ODR4: variants seen among roughly 807,000 people sequenced by gnomAD.
ODR4 encodes the protein odr-4 GPCR localization factor homolog, also known as protein odr-4 homolog.
In ODR4, 47 loss-of-function variants were observed where a neutral mutation model predicts 60.2. That is an observed-to-expected ratio of 0.78 (90% CI 0.62 to 1.00). The LOEUF (loss-of-function observed/expected upper bound fraction) is 1.00, where lower values mean the gene tolerates loss of function less well. Ranked by LOEUF, ODR4 falls within the 50% of genes least tolerant of loss-of-function variation. ODR4 has a pLI of 0.00. For synonymous variants in ODR4, 178 were observed against 175.5 expected, an observed-to-expected ratio of 1.01 and a Z score of -0.11; for missense variants, 488 against 530.8, an observed-to-expected ratio of 0.92 and a Z score of 0.79.
At position 186,406,252 on chromosome 1, in the gene ODR4, A is replaced by G. The variant is rs769036793; in HGVS notation, c.1170A>G (p.Ala390=). The change falls in exon 12 of 14, where the codon GCA becomes GCG. Residue 390 remains alanine (A), a synonymous_variant. Coordinates refer to ENST00000287859, the MANE Select transcript of ODR4 (RefSeq NM_017847.6). Reference sequence around the variant, plus strand: ...TTCAAATAGAAGATTTGGAAATTGCAGAGGAAACAAACACAGGTCATTATA... The same window carrying G: ...TTCAAATAGAAGATTTGGAAATTGCGGAGGAAACAAACACAGGTCATTATA... ...HTIQIEDLEI[A]EETNTACMSS... 2.5e-6 allele frequency: 4 copies of G among 1,604,346 alleles called. No individual in the cohort carries two copies. The highest frequency in any genetic ancestry group is 1.7e-5 in the Admixed American group (1 of 58,438).
intron 5 of ODR4, among the ~76,000 whole-genome samples, chr1:186,388,828 G>T (rs1030647845): frequency 1.3e-5 from 2 of 152,166 alleles, no homozygotes; most frequent in African/African-American, 4.8e-5. Context: ...AAGCACAGCA[G>T]ATTCCCTACA....
chr1:186,431,985 G>A, the ODR4 span, among the ~76,000 whole-genome samples: 2 of 152,076 alleles, frequency 1.3e-5, no homozygotes, highest in African/African-American at 4.8e-5. Flanking sequence ...GAATCATGGT[G>A]GGTTCAGTTT....
intron 11 of ODR4, among the ~76,000 whole-genome samples, chr1:186,402,234 C>CTTTCTTT (rs1553236960): frequency 6.3e-3 from 66 of 10,472 alleles, no homozygotes; most frequent in Non-Finnish European, 0.014. Flanking sequence ...TTCTTTCTTT[C>CTTTCTTT]CTTTCTTTCT....
intron 8 of ODR4, among the ~76,000 whole-genome samples, chr1:186,392,207 A>G (rs546467046): frequency 5.3e-5 from 8 of 152,244 alleles, no homozygotes; most frequent in South Asian, 2.1e-4. Flanking sequence ...AAGTTCAACC[A>G]TTGTGGAAGG....
At chr1:186,398,712 A>AT (rs1357744260) in intron 10 of ODR4, among the ~76,000 whole-genome samples, 1 of 152,086 alleles carries the variant, frequency 6.6e-6, no homozygotes, top group Non-Finnish European at 1.5e-5. Flanking sequence ...CACTGCAATT[A>AT]TTTTTTTAGA....
At chr1:186,393,481 G>T (rs778924841) in intron 8 of ODR4, among the ~76,000 whole-genome samples, 13 of 152,328 alleles carry the variant, frequency 8.5e-5, no homozygotes, top group Non-Finnish European at 1.8e-4. Flanking sequence ...TTCTAAAATA[G>T]CTTTGACCTG....
intron 11 of ODR4, among the ~76,000 whole-genome samples, chr1:186,403,762 A>G (rs749638394): frequency 1.3e-5 from 2 of 151,686 alleles, no homozygotes; most frequent in Middle Eastern, 3.2e-3. Context: ...CTTCACTGTT[A>G]TAAGTCTTCA....
At chr1:186,390,929 AT>A in intron 7 of ODR4, 78 bp downstream of exon 7, 1 of 1,355,574 alleles carries the variant, frequency 7.4e-7, no homozygotes, top group Non-Finnish European at 1.0e-6. Flanking sequence ...TGTGTCATTC[AT>A]TTTACAATCC....
At chr1:186,385,928 A>T in intron 3 of ODR4, 60 bp from the exon 4 acceptor site, 1 of 1,066,316 alleles carries the variant, frequency 9.4e-7, no homozygotes, top group Middle Eastern at 2.0e-4. Context: ...ACAGTTTCTC[A>T]AACAGAAAGG....
At chr1:186,421,850 A>G (rs1661789917), downstream of ODR4, among the ~76,000 whole-genome samples, 2 of 134,412 alleles carry the variant, frequency 1.5e-5, no homozygotes, top group African/African-American at 5.6e-5. Flanking sequence ...TGACAGAGTG[A>G]GACTCTATCT....
intron 1 of ODR4, among the ~76,000 whole-genome samples, chr1:186,377,728 G>A (rs746976012): frequency 6.6e-6 from 1 of 152,132 alleles, no homozygotes. Flanking sequence ...ATGCAAATCT[G>A]ATTCACGTCT....
At chr1:186,392,532 A>G (rs951922112) in intron 8 of ODR4, among the ~76,000 whole-genome samples, 1 of 152,160 alleles carries the variant, frequency 6.6e-6, no homozygotes, top group Non-Finnish European at 1.5e-5. Flanking sequence ...AAACGAATGC[A>G]GGGGCCAGGC....
intron 2 of ODR4, among the ~76,000 whole-genome samples, chr1:186,382,047 A>G (rs942161906): frequency 6.6e-6 from 1 of 152,026 alleles, no homozygotes; most frequent in African/African-American, 2.4e-5. Flanking sequence ...AAACTGAGCT[A>G]TTGAATGTTC....
chr1:186,418,791 T>C (rs1661683067), intron 13 of ODR4, among the ~76,000 whole-genome samples: 1 of 152,282 alleles, frequency 6.6e-6, no homozygotes, highest in Admixed American at 6.5e-5. Flanking sequence ...AGAGATACTT[T>C]GTCCAACATT....
In ODR4 at chr1:186,390,854, A is replaced by G. The variant is rs1660442616; in HGVS notation, c.615+3A>G. On this transcript the variant is annotated splice_donor_region_variant and intron_variant, in intron 7 of 13. Transcript: ENST00000287859. The stretch of plus-strand genomic sequence containing the variant: ...ATACTCTGGAGAAAAATACAAAGGT[A>G]CCAGGGTAAAATGAATTTTCTTCAG... 2 of 1,609,060 alleles carry G rather than the reference A, an allele frequency of 1.2e-6. No homozygotes were observed. The highest frequency in any genetic ancestry group is 2.7e-5 in the African/African-American group (2 of 74,982).
chr1:186,378,412 A>T (rs907141278), intron 1 of ODR4, among the ~76,000 whole-genome samples: 1 of 152,130 alleles, frequency 6.6e-6, no homozygotes, highest in Non-Finnish European at 1.5e-5. Flanking sequence ...TTTCATCCTC[A>T]CTGATTATGA....
Position 186,398,272 on chromosome 1 carries a change from C to A in ODR4, c.781-41C>A, listed in dbSNP as rs116150040. On this transcript the variant is annotated intron_variant, in intron 9 of 13. Transcript: ENST00000287859. ...TGTTTAAATATTTCCTGTAGTTAAT[C>A]ATTGTTGGTTATTAGAACTTAAACA... 374 of 1,508,962 alleles carry A rather than the reference C, an allele frequency of 2.5e-4. 1 individual carries two copies. The African/African-American group carries it at 4.2e-3, about 17-fold the overall frequency. 93.5% of individuals were successfully genotyped at this position (1,508,962 alleles called of 1,614,324 possible). A position where few individuals can be genotyped will look rare whatever the true frequency, so the allele number is the denominator to read the frequency against.
In ODR4 at chr1:186,414,524, C is replaced by CTT. The variant is rs753376955; in HGVS notation, c.1187-3006_1187-3005dup. 4.7e-4 allele frequency among the ~76,000 whole-genome samples: 65 copies of CTT among 139,436 alleles called. 1 individual carries two copies. The highest frequency in any genetic ancestry group is 1.5e-3 in the African/African-American group (56 of 38,116). The allele number at this position is 139,436 out of a possible 152,430, so 91.5% of individuals were successfully genotyped here. A position where few individuals can be genotyped will look rare whatever the true frequency, so the allele number is the denominator to read the frequency against. Reference sequence around the variant, plus strand: ...AAATATGGGGGAAAAAAACAAAAACCTTTTTTTTTTTTTTTGAGACAGTCT... The same window carrying CTT: ...AAATATGGGGGAAAAAAACAAAAACCTTTTTTTTTTTTTTTTTGAGACAGTCT... On this transcript the variant is annotated intron_variant, in intron 12 of 13. Coordinates refer to ENST00000287859, the MANE Select transcript of ODR4 (RefSeq NM_017847.6).
chr1:186,406,023 G>T, intron 11 of ODR4, 60 bp from the exon 12 acceptor site: 3 of 1,110,058 alleles, frequency 2.7e-6, no homozygotes, highest in Non-Finnish European at 2.5e-6. Context: ...TCTAAAATAT[G>T]TATCACTGAT....
Sources: allele counts gnomAD v4.1 joint callset (sites outside exome capture counted in the v4.1 genomes callset), GRCh38; gene constraint gnomAD v4.1.1; transcripts MANE v1.5; gene names NCBI Gene and HGNC (gene_info 2026-07-23, HGNC 2026-07-21).